WAC: variants seen among roughly 807,000 people sequenced by gnomAD.
WAC encodes the protein WW domain containing adaptor with coiled-coil.
Under a neutral mutation model 79.6 loss-of-function variants are expected in WAC, and 11 were observed. The observed-to-expected ratio is 0.14, with a 90% CI of 0.09 to 0.23. WAC has a LOEUF of 0.23. Ranked by LOEUF, WAC falls within the 10% of genes least tolerant of loss-of-function variation. The pLI, the probability that WAC is intolerant of heterozygous loss-of-function variation, is 1.00. For synonymous variants in WAC, 304 were observed against 276.9 expected, an observed-to-expected ratio of 1.10 and a Z score of -0.97; for missense variants, 728 against 773.5, an observed-to-expected ratio of 0.94 and a Z score of 0.70.
Position 28,611,925 on chromosome 10 carries a change from A to G in WAC, c.1437+3A>G. ...CTCCTGTTTCATCACAGCCAAAGGT[A>G]TGTCACCTTTGAGGGACATTCGGAA... On this transcript the variant is annotated splice_donor_region_variant and intron_variant, in intron 10 of 13. Coordinates refer to ENST00000354911, the MANE Select transcript of WAC (RefSeq NM_016628.5). 6.2e-7 allele frequency: 1 copy of G among 1,609,332 alleles called. No individual in the cohort carries two copies. The highest frequency in any genetic ancestry group is 1.7e-5 in the Admixed American group (1 of 58,590).
intron 3 of WAC, among the ~76,000 whole-genome samples, chr10:28,583,147 A>G (rs1839626399): frequency 6.6e-6 from 1 of 152,074 alleles, no homozygotes; most frequent in African/African-American, 2.4e-5. Context: ...GTTTCTCTCA[A>G]AAAGGTTGTT....
At chr10:28,587,141 C>A (rs1191940720) in intron 4 of WAC, among the ~76,000 whole-genome samples, 1 of 150,378 alleles carries the variant, frequency 6.6e-6, no homozygotes, top group Non-Finnish European at 1.5e-5. Flanking sequence ...TCATCAATAT[C>A]TACCATATTA....
intron 3 of WAC, among the ~76,000 whole-genome samples, chr10:28,564,149 C>T (rs1326806072): frequency 6.6e-6 from 1 of 151,986 alleles, no homozygotes; most frequent in Non-Finnish European, 1.5e-5. Flanking sequence ...CCTGTAGTCC[C>T]AGCAACTCTG....
At position 28,535,713 on chromosome 10, in the gene WAC, A is replaced by C. The variant is rs934577247; in HGVS notation, c.230A>C (p.Lys77Thr). 6.2e-7 allele frequency: 1 copy of C among 1,614,028 alleles called. No individual in the cohort carries two copies. Among genetic ancestry groups the C allele is most frequent in the Non-Finnish European group, 8.5e-7 (1 of 1,179,990 alleles). The change falls in exon 3 of 14, where the codon AAG becomes ACG. Residue 77 changes from lysine (K) to threonine (T), a missense_variant. Coordinates refer to ENST00000354911, the MANE Select transcript of WAC (RefSeq NM_016628.5). The stretch of plus-strand genomic sequence containing the variant: ...TACAGTGACAGCACAGGTCACAGTA[A>C]GGCCAAAAATGTGCATACTCACAGA... Reference protein sequence around the residue: ...NKYSDSTGHSKAKNVHTHRVR... With the variant: ...NKYSDSTGHSTAKNVHTHRVR...
At chr10:28,562,166 C>T (rs1838334003) in intron 3 of WAC, among the ~76,000 whole-genome samples, 1 of 152,166 alleles carries the variant, frequency 6.6e-6, no homozygotes, top group African/African-American at 2.4e-5. Flanking sequence ...AAGTGATTCT[C>T]CTGCCTCAAC....
intron 3 of WAC, among the ~76,000 whole-genome samples, chr10:28,579,137 C>T (rs1217325879): frequency 1.3e-5 from 2 of 152,038 alleles, no homozygotes; most frequent in East Asian, 1.9e-4. Context: ...ATTTTTATCC[C>T]ACTTACTCAC....
chr10:28,581,893 A>G (rs1331205315), intron 3 of WAC, among the ~76,000 whole-genome samples: 3 of 152,230 alleles, frequency 2.0e-5, no homozygotes, highest in African/African-American at 4.8e-5. Context: ...TTGAGGATTT[A>G]TTTCTTGCTT....
intron 3 of WAC, among the ~76,000 whole-genome samples, chr10:28,559,931 A>G (rs924307218): frequency 1.3e-5 from 2 of 152,116 alleles, no homozygotes; most frequent in African/African-American, 4.8e-5. Flanking sequence ...AGGCTTTTGG[A>G]AAGGATTTTG....
intron 3 of WAC, among the ~76,000 whole-genome samples, chr10:28,561,517 A>G (rs1005606342): frequency 2.0e-5 from 3 of 152,128 alleles, no homozygotes; most frequent in Admixed American, 2.0e-4. Flanking sequence ...TAAAGATGGC[A>G]TAAACGATTT....
intron 10 of WAC, among the ~76,000 whole-genome samples, chr10:28,612,715 A>G (rs1841299660): frequency 6.6e-6 from 1 of 152,058 alleles, no homozygotes; most frequent in African/African-American, 2.4e-5. Flanking sequence ...TCCCTTCCCT[A>G]CCTTGGCCAT....
chr10:28,610,936 G>C (rs186100843), intron 9 of WAC, 115 bp downstream of exon 9: 1 of 1,186,566 alleles, frequency 8.4e-7, no homozygotes, highest in Non-Finnish European at 1.1e-6. Flanking sequence ...TTTTTTAAGA[G>C]ATTAGCTACA....
At chr10:28,542,954 T>A (rs187883651) in intron 3 of WAC, among the ~76,000 whole-genome samples, 1 of 152,248 alleles carries the variant, frequency 6.6e-6, no homozygotes, top group Non-Finnish European at 1.5e-5. Context: ...TTTTAATGTT[T>A]TTATCCACCT....
intron 8 of WAC, among the ~76,000 whole-genome samples, chr10:28,609,472 C>T (rs1449213304): frequency 1.3e-5 from 2 of 152,078 alleles, no homozygotes; most frequent in Non-Finnish European, 2.9e-5. Context: ...CTATCTCAGG[C>T]TAGTTGGTCA....
At chr10:28,551,819 T>TGTGTGTGTGTGTG (rs1397401638) in intron 3 of WAC, among the ~76,000 whole-genome samples, 11 of 144,608 alleles carry the variant, frequency 7.6e-5, no homozygotes, top group Admixed American at 2.7e-4. Flanking sequence ...TGTGTGTGTG[T>TGTGTGTGTGTGTG]TTCTTTTTTT....
intron 7 of WAC, among the ~76,000 whole-genome samples, chr10:28,606,293 T>G (rs992567716): frequency 6.6e-6 from 1 of 152,176 alleles, no homozygotes; most frequent in Non-Finnish European, 1.5e-5. Flanking sequence ...GCTCAAGCCT[T>G]GCAAAATGCT....
At chr10:28,617,879 TAA>T in intron 13 of WAC, 95 bp downstream of exon 13, 2 of 1,374,194 alleles carry the variant, frequency 1.5e-6, no homozygotes, top group Non-Finnish European at 1.9e-6. Flanking sequence ...TTATGAAATG[TAA>T]AGTTCTCTTC....
chr10:28,548,006 C>T (rs527608908), intron 3 of WAC, among the ~76,000 whole-genome samples: 44 of 151,162 alleles, frequency 2.9e-4, no homozygotes, highest in African/African-American at 9.2e-4. Flanking sequence ...CTGCAATCTC[C>T]GCCTCCCGGG....
At chr10:28,549,657 G>C (rs1315742624) in intron 3 of WAC, among the ~76,000 whole-genome samples, 1 of 152,106 alleles carries the variant, frequency 6.6e-6, no homozygotes, top group Non-Finnish European at 1.5e-5. Context: ...CATTAACCCT[G>C]AAAGCCTGAA....
chr10:28,595,803 C>A lies in WAC; in HGVS notation c.681C>A (p.His227Gln). The A allele has an allele frequency of 1.2e-6, 2 of 1,614,114 alleles. No individual in the cohort carries two copies. Among genetic ancestry groups the A allele is most frequent in the Non-Finnish European group, 1.7e-6 (2 of 1,180,006 alleles). Residue 227 changes from histidine (H) to glutamine (Q), a missense_variant, in exon 7 of 14, where the codon CAC (histidine) becomes CAA (glutamine). Physicochemically the swap from His to Gln is conservative, Grantham distance 24. Transcript: ENST00000354911. The part of the protein sequence containing the change: ...PQNILSQTSR[H>Q]NDRDYRLPRA... ...ATATTTTGTCTCAAACAAGCAGACACAATGACAGAGACTACAGACTGCCAA... is the reference window on the plus strand; with the variant it reads ...ATATTTTGTCTCAAACAAGCAGACAAAATGACAGAGACTACAGACTGCCAA...
Sources: gnomAD v4.1 joint callset for allele counts (sites outside exome capture counted in the v4.1 genomes callset) on GRCh38, gnomAD v4.1.1 for gene constraint, MANE v1.5 for transcripts, NCBI Gene and HGNC (gene_info 2026-07-23, HGNC 2026-07-21) for gene names.